Variants in KANSL2 observed in about 807,000 individuals in gnomAD.
The protein encoded by KANSL2 is KAT8 regulatory NSL complex subunit 2, also known as NSL complex protein NSL2.
In KANSL2, 34 loss-of-function variants were observed where a neutral mutation model predicts 55.6. The ratio of observed to expected loss-of-function variants is 0.61; its 90% CI spans 0.46 to 0.81. The LOEUF (loss-of-function observed/expected upper bound fraction) is 0.81, where lower values mean the gene tolerates loss of function less well. Ranked by LOEUF, KANSL2 falls within the 40% of genes least tolerant of loss-of-function variation. The pLI is 0.00. For missense variants in KANSL2, 502 were observed against 609.9 expected, an observed-to-expected ratio of 0.82 and a Z score of 1.86; for synonymous variants, 209 against 214.3, an observed-to-expected ratio of 0.98 and a Z score of 0.22.
At position 48,682,232 on chromosome 12, in the gene KANSL2, C is replaced by G; in HGVS notation, c.-55G>C. ...GCACTCTGCCGCGCCGCTCGCCCTTCTCTAGTGGCGCCAGCGGCTCTCAGA... is the reference window on the plus strand; with the variant it reads ...GCACTCTGCCGCGCCGCTCGCCCTTGTCTAGTGGCGCCAGCGGCTCTCAGA... On this transcript the variant is annotated 5_prime_UTR_variant, in exon 1 of 10. Transcript: ENST00000420613. 1.6e-6 allele frequency: 1 copy of G among 627,254 alleles called. No homozygotes were observed. Among genetic ancestry groups the G allele is most frequent in the Non-Finnish European group, 2.9e-6 (1 of 350,096 alleles). The allele number at this position is 627,254 out of a possible 1,614,324, so 38.9% of individuals were successfully genotyped here.
At chr12:48,661,294 T>C in intron 7 of KANSL2, 1 of 641,620 alleles carries the variant, frequency 1.6e-6, no homozygotes, top group Non-Finnish European at 1.9e-6. Flanking sequence ...AAAAAAAAAG[T>C]ATTCTAGAAA....
chr12:48,653,231 A>T lies in KANSL2; in HGVS notation c.*813T>A, dbSNP rs1430224662. Among the ~76,000 whole-genome samples the T allele has an allele frequency of 6.6e-6, 1 of 152,212 alleles. No individual in the cohort carries two copies. The highest frequency in any genetic ancestry group is 1.5e-5 in the Non-Finnish European group (1 of 68,050). On this transcript the variant is annotated 3_prime_UTR_variant, in exon 10 of 10. Coordinates refer to ENST00000420613, the MANE Select transcript of KANSL2 (RefSeq NM_017822.4). ...AGATATTTGGAACTGATGGGCTTTAATAAGTCCTGCCCCTTTTCATTTACT... is the reference window on the plus strand; with the variant it reads ...AGATATTTGGAACTGATGGGCTTTATTAAGTCCTGCCCCTTTTCATTTACT...
rs1434878991 is a variant in KANSL2 at position 48,653,500 on chromosome 12, T to C, written c.*544A>G. 6.6e-6 allele frequency: 1 copy of C among 152,648 alleles called. No homozygotes were observed. The highest frequency in any genetic ancestry group is 1.5e-5 in the Non-Finnish European group (1 of 68,052). 9.5% of individuals were successfully genotyped at this position (152,648 alleles called of 1,614,324 possible). A position where few individuals can be genotyped will look rare whatever the true frequency, so the allele number is the denominator to read the frequency against. On this transcript the variant is annotated 3_prime_UTR_variant, in exon 10 of 10. Coordinates refer to ENST00000420613, the MANE Select transcript of KANSL2 (RefSeq NM_017822.4). ...AATTTTTACTATATTTTACATAAGATAGCAACCACAGAAATTTACATAGGT... is the reference window on the plus strand; with the variant it reads ...AATTTTTACTATATTTTACATAAGACAGCAACCACAGAAATTTACATAGGT...
intron 7 of KANSL2, among the ~76,000 whole-genome samples, chr12:48,666,720 ATAAAT>A (rs1334327387): frequency 6.6e-6 from 1 of 151,208 alleles, no homozygotes; most frequent in African/African-American, 2.4e-5. Flanking sequence ...ATAAAATAAA[ATAAAT>A]AATTAGCCAG....
chr12:48,677,493 G>C (rs1007456882), intron 4 of KANSL2, among the ~76,000 whole-genome samples: 3 of 152,080 alleles, frequency 2.0e-5, no homozygotes, highest in South Asian at 2.1e-4. Context: ...GGAAAAAAAA[G>C]GAATGAAGCT....
chr12:48,667,494 A>G (rs567534530), intron 7 of KANSL2, 199 bp downstream of exon 7: 40 of 709,210 alleles, frequency 5.6e-5, no homozygotes, highest in East Asian at 1.1e-4. Context: ...TTACATTTCC[A>G]AAGTTATGAA....
intron 1 of KANSL2, chr12:48,681,933 C>G (rs532395788): frequency 8.5e-6 from 6 of 703,208 alleles, no homozygotes; most frequent in Admixed American, 8.0e-5. Context: ...ACGCGGCGGC[C>G]ACGCCGCCTC....
In KANSL2 at chr12:48,681,596, G is replaced by A. The variant is rs1939926572; in HGVS notation, c.37C>T (p.Arg13Trp). 6.2e-7 allele frequency: 1 copy of A among 1,613,846 alleles called. No individual in the cohort carries two copies. The highest frequency in any genetic ancestry group is 8.5e-7 in the Non-Finnish European group (1 of 1,179,894). ...RIRIHVLPTN[R>W]GRITPVPRSQ... is the part of the protein sequence containing the mutation. ...CTGGGCACTGGAGTGATCCTCCCCCGATTGGTTGGCAAGACGTGAATCCGA... is the reference window on the plus strand; with the variant it reads ...CTGGGCACTGGAGTGATCCTCCCCCAATTGGTTGGCAAGACGTGAATCCGA... Residue 13 changes from arginine to tryptophan, a missense_variant, in exon 2 of 10, where the codon CGG becomes TGG. By Grantham distance (101) the Arg-to-Trp change is moderately radical (BLOSUM62 -3). Transcript: ENST00000420613.
chr12:48,656,280 T>TTG (rs1468072854), intron 8 of KANSL2, among the ~76,000 whole-genome samples: 2 of 150,588 alleles, frequency 1.3e-5, no homozygotes, highest in South Asian at 2.1e-4. Context: ...TTGTTTTGTT[T>TTG]TTTTTTTTTT....
Position 48,660,408 on chromosome 12 carries a change from A to G in KANSL2, c.1185T>C (p.Ala395=), listed in dbSNP as rs1939465344. 19 of 1,613,878 alleles carry G rather than the reference A, an allele frequency of 1.2e-5. No individual in the cohort carries two copies. The highest frequency in any genetic ancestry group is 1.5e-5 in the Non-Finnish European group (18 of 1,179,876). The change falls in exon 8 of 10, where the codon GCT becomes GCC. Residue 395 remains alanine, a synonymous_variant. Coordinates refer to ENST00000420613, the MANE Select transcript of KANSL2 (RefSeq NM_017822.4). ...AGPMDLYLSA[A]ELQPTESLPL... ...GTAAACTCTCAGTGGGCTGAAGCTCAGCAGCACTCAAGTACAGATCCATGG... is the reference window on the plus strand; with the variant it reads ...GTAAACTCTCAGTGGGCTGAAGCTCGGCAGCACTCAAGTACAGATCCATGG...
intron 5 of KANSL2, among the ~76,000 whole-genome samples, chr12:48,669,938 C>CA (rs2137192895): frequency 6.6e-6 from 1 of 152,256 alleles, no homozygotes; most frequent in South Asian, 2.1e-4. Context: ...CAGTGGCTCA[C>CA]ACCTGTAATC....
chr12:48,673,427 G>T (rs1018725126), intron 4 of KANSL2, among the ~76,000 whole-genome samples: 2 of 151,974 alleles, frequency 1.3e-5, no homozygotes, highest in Non-Finnish European at 2.9e-5. Flanking sequence ...AGGTATGGTG[G>T]TGGGCGCCTA....
At chr12:48,674,646 C>A (rs1488865514) in intron 4 of KANSL2, among the ~76,000 whole-genome samples, 1 of 152,152 alleles carries the variant, frequency 6.6e-6, no homozygotes, top group Non-Finnish European at 1.5e-5. Context: ...AAAATCAAAA[C>A]ATGGTTAATA....
At chr12:48,672,395 A>ATATATATATACG (rs1939734529) in intron 4 of KANSL2, among the ~76,000 whole-genome samples, 5 of 135,684 alleles carry the variant, frequency 3.7e-5, no homozygotes, top group African/African-American at 1.1e-4. Flanking sequence ...ATATACATGT[A>ATATATATATACG]TATATATATA....
chr12:48,655,649 G>A (rs371230661), intron 8 of KANSL2, among the ~76,000 whole-genome samples: 1 of 152,116 alleles, frequency 6.6e-6, no homozygotes, highest in East Asian at 1.9e-4. Context: ...GAAAGGGAAA[G>A]GAGAGAGTTA....
In KANSL2 at chr12:48,679,719, A is replaced by G. The variant is rs1055497425; in HGVS notation, c.366T>C (p.Tyr122=). ...GETLLCQLSS[Y]AKTELGSQTP... is the part of the protein sequence containing the mutation. ...TCTGAGACCCCAGCTCTGTCTTAGC[A>G]TATGAGCTCAGCTGGCACAGGAGTG... Residue 122 remains tyrosine, a synonymous_variant, in exon 3 of 10, where the codon TAT becomes TAC. Transcript: ENST00000420613. 2 of 1,612,888 alleles carry G rather than the reference A, an allele frequency of 1.2e-6. No individual in the cohort carries two copies. The highest frequency in any genetic ancestry group is 8.5e-7 in the Non-Finnish European group (1 of 1,179,502).
chr12:48,679,600 T>C lies in KANSL2; in HGVS notation c.430+55A>G. ...ATCAAGGCATTGTGCTAACCCAAAA[T>C]AGTTCCCCCTTAACTTTCTTCCTCC... On this transcript the variant is annotated intron_variant, in intron 3 of 9. Coordinates refer to ENST00000420613, the MANE Select transcript of KANSL2 (RefSeq NM_017822.4). 2.0e-6 allele frequency: 3 copies of C among 1,476,256 alleles called. No homozygotes were observed. The South Asian group carries it at 3.6e-5, about 18-fold the overall frequency. 91.4% of individuals were successfully genotyped at this position (1,476,256 alleles called of 1,614,324 possible). A position where few individuals can be genotyped will look rare whatever the true frequency, so the allele number is the denominator to read the frequency against.
chr12:48,654,224 T>C (rs754085515), intron 9 of KANSL2, 49 bp from the exon 10 acceptor site: 5 of 1,566,188 alleles, frequency 3.2e-6, no homozygotes, highest in Non-Finnish European at 2.6e-6. Context: ...TTCACTGTGG[T>C]CTGAAGTATG....
intron 7 of KANSL2, among the ~76,000 whole-genome samples, chr12:48,663,001 A>G (rs900746968): frequency 3.3e-5 from 5 of 152,176 alleles, no homozygotes; most frequent in Admixed American, 6.5e-5. Context: ...AATTTCAGAC[A>G]CCGTACAGAA....
Sources: allele counts gnomAD v4.1 joint callset (sites outside exome capture counted in the v4.1 genomes callset), GRCh38; gene constraint gnomAD v4.1.1; transcripts MANE v1.5; gene names NCBI Gene and HGNC (gene_info 2026-07-23, HGNC 2026-07-21).